ADCY8: variants seen among roughly 807,000 people sequenced by gnomAD.
The protein encoded by ADCY8 is adenylate cyclase 8.
ADCY8 carries 51 observed loss-of-function variants against 119.7 expected under a neutral mutation model. That is an observed-to-expected ratio of 0.43 (90% CI 0.34 to 0.54). The LOEUF (loss-of-function observed/expected upper bound fraction) is 0.54. ADCY8 is among the 20% of genes least tolerant of loss of function. The pLI is 0.03. For synonymous variants in ADCY8, 665 were observed against 651.0 expected (o/e 1.02, Z -0.33); for missense variants, 1,383 against 1,598.8 (o/e 0.87, Z 2.30).
At position 130,836,431 on chromosome 8, in the gene ADCY8, C is replaced by A. The variant is rs1554605126; in HGVS notation, c.2521G>T (p.Val841Leu). The change falls in exon 12 of 18, where the codon GTG (valine) becomes TTG (leucine). Residue 841 changes from valine to leucine, a missense_variant. By Grantham distance (32) the Val-to-Leu change is conservative. Coordinates refer to ENST00000286355, the MANE Select transcript of ADCY8 (RefSeq NM_001115.3). ...SYPEYFVFTG[V>L]LAMVTCAVFL... ...ACTGCACAGGTCACCATGGCCAACA[C>A]CCCCGTGAAGACAAAGTACTGGAAA... 1.2e-6 allele frequency: 2 copies of A among 1,613,632 alleles called. No homozygotes were observed. Among genetic ancestry groups the A allele is most frequent in the East Asian group, 2.2e-5 (1 of 44,856 alleles).
chr8:130,791,263 G>T (rs1219444573), intron 15 of ADCY8, among the ~76,000 whole-genome samples: 3 of 152,328 alleles, frequency 2.0e-5, no homozygotes, highest in South Asian at 2.1e-4. Flanking sequence ...GAATGCTGGA[G>T]CAGCATGCCT....
Position 130,821,312 on chromosome 8 carries a change from C to T in ADCY8, c.2754+30G>A, listed in dbSNP as rs776808750. 3 of 1,589,648 alleles carry T rather than the reference C, an allele frequency of 1.9e-6. No homozygotes were observed. In the East Asian group the frequency reaches 6.7e-5, roughly 36 times the overall value. ...GATGGTAACAAGAAATGTCAGGTAA[C>T]AGAGCAGTCAGAGCGAAATGTTAGA... On this transcript the variant is annotated intron_variant, in intron 13 of 17. Transcript: ENST00000286355.
intron 5 of ADCY8, among the ~76,000 whole-genome samples, chr8:130,925,039 CA>C (rs71304400): frequency 0.64 from 87,619 of 137,348 alleles, 27,434 homozygotes; most frequent in African/African-American, 0.79. Flanking sequence ...ACTAAAAATA[CA>C]AAAAAAAAAA....
intron 5 of ADCY8, among the ~76,000 whole-genome samples, chr8:130,923,304 AAG>A (rs572989115): frequency 1.5e-3 from 230 of 152,308 alleles, no homozygotes; most frequent in African/African-American, 5.4e-3. Flanking sequence ...AAATGTAACA[AAG>A]AGAGAAATAA....
At chr8:130,798,343 T>A (rs527592236) in intron 15 of ADCY8, among the ~76,000 whole-genome samples, 1 of 152,208 alleles carries the variant, frequency 6.6e-6, no homozygotes, top group African/African-American at 2.4e-5. Context: ...AGAAGTAGCG[T>A]TGAATTGACT....
At chr8:130,811,491 G>C (rs1165371344) in intron 14 of ADCY8, among the ~76,000 whole-genome samples, 1 of 152,190 alleles carries the variant, frequency 6.6e-6, no homozygotes, top group Non-Finnish European at 1.5e-5. Context: ...CAGGGTCTTA[G>C]AGTTCGTAAT....
At chr8:130,868,067 C>G (rs972450904) in intron 8 of ADCY8, 121 bp from the exon 9 acceptor site, 5 of 606,736 alleles carry the variant, frequency 8.2e-6, no homozygotes, top group Middle Eastern at 4.6e-4. Flanking sequence ...TAATTCATAT[C>G]TTAATAAAAC....
intron 1 of ADCY8, among the ~76,000 whole-genome samples, chr8:131,038,966 C>T (rs1206805484): frequency 6.6e-6 from 1 of 152,152 alleles, no homozygotes; most frequent in African/African-American, 2.4e-5. Flanking sequence ...CCAGAGCCTG[C>T]TACAACACCC....
intron 2 of ADCY8, among the ~76,000 whole-genome samples, chr8:130,961,411 T>TTTTTCATAAA (rs1821600018): frequency 1.4e-5 from 1 of 73,688 alleles, no homozygotes; most frequent in East Asian, 5.2e-4. Context: ...TCTAATCACT[T>TTTTTCATAAA]TCTTCATAAA....
chr8:131,033,858 A>G (rs901852755), intron 1 of ADCY8, among the ~76,000 whole-genome samples: 1 of 152,102 alleles, frequency 6.6e-6, no homozygotes, highest in African/African-American at 2.4e-5. Flanking sequence ...ATCTTTTACA[A>G]GTAAGAGAGA....
intron 1 of ADCY8, among the ~76,000 whole-genome samples, chr8:131,006,340 G>A (rs903994208): frequency 2.0e-5 from 3 of 152,152 alleles, no homozygotes; most frequent in African/African-American, 7.2e-5. Context: ...TTGTCTGTAG[G>A]AGCCGCTGGG....
chr8:131,000,004 A>G (rs555346738), intron 1 of ADCY8, among the ~76,000 whole-genome samples: 1 of 152,370 alleles, frequency 6.6e-6, no homozygotes, highest in East Asian at 1.9e-4. Context: ...AATAACAAGT[A>G]TGACTTACTT....
At chr8:131,025,478 A>G (rs536569671) in intron 1 of ADCY8, among the ~76,000 whole-genome samples, 11 of 152,178 alleles carry the variant, frequency 7.2e-5, no homozygotes, top group Non-Finnish European at 1.6e-4. Context: ...TTGTTCAGGC[A>G]TTTACTCAAC....
rs1266851277 is a variant in ADCY8 at position 130,875,974 on chromosome 8, C to T, written c.2110-8028G>A. ...AGTAAGCACTATTTACAATAGTTAT[C>T]ATAATATAAAACTGGCAAAAGCTTA... On this transcript the variant is annotated intron_variant, in intron 8 of 17. Coordinates refer to ENST00000286355, the MANE Select transcript of ADCY8 (RefSeq NM_001115.3). Among the ~76,000 whole-genome samples the T allele has an allele frequency of 4.6e-5, 7 of 152,158 alleles. 1 individual carries two copies. Among genetic ancestry groups the T allele is most frequent in the Admixed American group, 1.3e-4 (2 of 15,276 alleles).
At chr8:130,828,176 C>T (rs1484380508) in intron 12 of ADCY8, among the ~76,000 whole-genome samples, 2 of 152,178 alleles carry the variant, frequency 1.3e-5, no homozygotes, top group Non-Finnish European at 2.9e-5. Context: ...TTCCTCCTTT[C>T]CTGTCTGAGA....
chr8:131,017,114 G>A (rs1358665378), intron 1 of ADCY8, among the ~76,000 whole-genome samples: 6 of 151,056 alleles, frequency 4.0e-5, no homozygotes, highest in Non-Finnish European at 4.4e-5. Context: ...TTGTCACTAA[G>A]GCTGGAGTGC....
intron 3 of ADCY8, among the ~76,000 whole-genome samples, chr8:130,945,033 TGTGATGAGC>T (rs1821067247): frequency 6.6e-6 from 1 of 152,088 alleles, no homozygotes; most frequent in Non-Finnish European, 1.5e-5. Flanking sequence ...TCTTGAAGAA[TGTGATGAGC>T]GAAGTGATTG....
intron 2 of ADCY8, among the ~76,000 whole-genome samples, chr8:130,952,252 G>T (rs1821296983): frequency 6.6e-6 from 1 of 152,142 alleles, no homozygotes; most frequent in South Asian, 2.1e-4. Context: ...TAATAAGGAA[G>T]ATACATTAAG....
At chr8:130,919,374 C>T (rs1217159625) in intron 5 of ADCY8, among the ~76,000 whole-genome samples, 1 of 152,108 alleles carries the variant, frequency 6.6e-6, no homozygotes, top group Non-Finnish European at 1.5e-5. Flanking sequence ...GCTGTAGGCA[C>T]ATAGATACAG....
Sources: allele counts gnomAD v4.1 joint callset (sites outside exome capture counted in the v4.1 genomes callset), GRCh38; gene constraint gnomAD v4.1.1; transcripts MANE v1.5; gene names NCBI Gene and HGNC (gene_info 2026-07-23, HGNC 2026-07-21).